The following NKD1 variants were observed in gnomAD, a reference collection of about 807,000 sequenced individuals.
NKD1 encodes the protein NKD inhibitor of Wnt signaling pathway 1, also known as protein naked cuticle homolog 1.
NKD1 carries 21 observed loss-of-function variants against 56.0 expected under a neutral mutation model. The ratio of observed to expected loss-of-function variants is 0.38; its 90% CI spans 0.27 to 0.54. The LOEUF (loss-of-function observed/expected upper bound fraction) is 0.54. Ranked by LOEUF, NKD1 falls within the 20% of genes least tolerant of loss-of-function variation. The probability of loss-of-function intolerance (pLI) is 0.82; values close to 1 mark genes in which losing one functional copy is unlikely to be tolerated. For missense variants in NKD1, 578 were observed against 642.7 expected, an observed-to-expected ratio of 0.90 and a Z score of 1.09; for synonymous variants, 263 against 265.7, an observed-to-expected ratio of 0.99 and a Z score of 0.10.
At chr16:50,599,259 A>C (rs753772364) in intron 3 of NKD1, among the ~76,000 whole-genome samples, 3 of 152,136 alleles carry the variant, frequency 2.0e-5, no homozygotes, top group African/African-American at 7.2e-5. Flanking sequence ...GGGACACGCT[A>C]TTTGAGCCAG....
chr16:50,633,295 G>A lies in NKD1; in HGVS notation c.927G>A (p.Lys309=), dbSNP rs748229301. 6.2e-7 allele frequency: 1 copy of A among 1,614,086 alleles called. No homozygotes were observed. The highest frequency in any genetic ancestry group is 8.5e-7 in the Non-Finnish European group (1 of 1,179,992). The part of the protein sequence containing the change: ...EPEAIHIPHR[K]PQGVDPASFH... ...AAGCCATCCACATCCCACACCGAAA[G>A]CCCCAAGGCGTGGACCCGGCCTCCT... is the stretch of plus-strand genomic sequence containing the variant. Residue 309 remains lysine (K), a synonymous_variant, in exon 10 of 10, where the codon AAG becomes AAA. Transcript: ENST00000268459. The surrounding 1 kb of genome is among the most constrained non-coding windows in gnomAD (Gnocchi z 4.9).
At position 50,637,726 on chromosome 16, in the gene NKD1, TG is replaced by T. The variant is rs1962498736; in HGVS notation, c.*3946del. On this transcript the variant is annotated 3_prime_UTR_variant, in exon 10 of 10. Transcript: ENST00000268459. ...ACATTTTCCTGCAGGCTGGTATGGG[TG>T]AGAGGTTTGGTCTTGTTTGCAAATC... 1 of 152,104 alleles carries T rather than the reference TG, an allele frequency of 6.6e-6. No homozygotes were observed. Among genetic ancestry groups the T allele is most frequent in the African/African-American group, 2.4e-5 (1 of 41,416 alleles). 9.4% of individuals were successfully genotyped at this position (152,104 alleles called of 1,614,324 possible). A position where few individuals can be genotyped will look rare whatever the true frequency, so the allele number is the denominator to read the frequency against.
In NKD1 at chr16:50,598,007, G is replaced by A. The variant is rs528222260; in HGVS notation, c.193-10287G>A. 9.1e-4 allele frequency among the ~76,000 whole-genome samples: 138 copies of A among 152,310 alleles called. 1 individual carries two copies. Among genetic ancestry groups the A allele is most frequent in the African/African-American group, 2.8e-3 (115 of 41,556 alleles). ...CAGTAGAGGGAGGAGGGCGCTCCGG[G>A]TGAAGGGGACAGGATGGTCCAGGGC... On this transcript the variant is annotated intron_variant, in intron 3 of 9. Coordinates refer to ENST00000268459, the MANE Select transcript of NKD1 (RefSeq NM_033119.5). The surrounding 1 kb of genome is among the most constrained non-coding windows in gnomAD (Gnocchi z 4.2).
At chr16:50,620,887 T>C (rs1293791660) in intron 4 of NKD1, among the ~76,000 whole-genome samples, 1 of 152,116 alleles carries the variant, frequency 6.6e-6, no homozygotes, top group African/African-American at 2.4e-5. Flanking sequence ...GGGGAGGACC[T>C]GGGGTGAGCA....
chr16:50,630,474 T>C (rs532707921), intron 7 of NKD1, 141 bp downstream of exon 7: 9 of 815,428 alleles, frequency 1.1e-5, no homozygotes, highest in Non-Finnish European at 1.7e-5. Flanking sequence ...AAATGGGTCC[T>C]TGAAAGGGTA....
intron 3 of NKD1, among the ~76,000 whole-genome samples, chr16:50,580,286 T>G (rs1478864653): frequency 6.6e-6 from 1 of 152,266 alleles, no homozygotes; most frequent in Non-Finnish European, 1.5e-5. Context: ...CATTCTGGCC[T>G]CACACTGTGT....
chr16:50,589,612 A>G (rs1321186215), intron 3 of NKD1, among the ~76,000 whole-genome samples: 1 of 152,192 alleles, frequency 6.6e-6, no homozygotes, highest in Non-Finnish European at 1.5e-5. Context: ...TGGTGGCCCA[A>G]GTCTGGGTAG....
Position 50,549,569 on chromosome 16 carries a change from C to T in NKD1, c.192+14C>T, listed in dbSNP as rs747583803. On this transcript the variant is annotated intron_variant, in intron 3 of 9. Transcript: ENST00000268459. ...CGAAGCACCCGGGTATGATTCCCCA[C>T]CCCTGCCCCACCTCCTGGCCTCCTT... 1.3e-6 allele frequency: 2 copies of T among 1,558,668 alleles called. No homozygotes were observed.
rs564315510 is a variant in NKD1 at position 50,640,692 on chromosome 16, G to C, written c.*6911G>C. 7.2e-5 allele frequency: 11 copies of C among 152,286 alleles called. No individual in the cohort carries two copies. The highest frequency in any genetic ancestry group is 2.2e-4 in the African/African-American group (9 of 41,570). 9.4% of individuals were successfully genotyped at this position (152,286 alleles called of 1,614,324 possible). A position where few individuals can be genotyped will look rare whatever the true frequency, so the allele number is the denominator to read the frequency against. On this transcript the variant is annotated 3_prime_UTR_variant, in exon 10 of 10. Coordinates refer to ENST00000268459, the MANE Select transcript of NKD1 (RefSeq NM_033119.5). The stretch of plus-strand genomic sequence containing the variant: ...CTCCTGCCTATGAGTCCTTGACTCT[G>C]GAGTTTTACAAAGCAGTCACATTTC...
Position 50,632,816 on chromosome 16 carries a change from C to T in NKD1, c.824-376C>T, listed in dbSNP as rs1044476110. Among the ~76,000 whole-genome samples the T allele has an allele frequency of 6.6e-6, 1 of 152,166 alleles. No homozygotes were observed. Among genetic ancestry groups the T allele is most frequent in the African/African-American group, 2.4e-5 (1 of 41,430 alleles). ...GACCTCTTGCTCAATTTCACTCCCA[C>T]AACTCCCTTCTCCCCTTTCTCTTCA... On this transcript the variant is annotated intron_variant, in intron 9 of 9. Coordinates refer to ENST00000268459, the MANE Select transcript of NKD1 (RefSeq NM_033119.5). This position sits in a 1 kb window ranked among gnomAD's most constrained non-coding sequence, Gnocchi z 4.1.
intron 5 of NKD1, among the ~76,000 whole-genome samples, chr16:50,621,917 G>GCCCAGC (rs1339295852): frequency 6.6e-6 from 1 of 152,222 alleles, no homozygotes; most frequent in Non-Finnish European, 1.5e-5. Context: ...CACCCCCTCA[G>GCCCAGC]CCCAGCCCCA....
intron 3 of NKD1, among the ~76,000 whole-genome samples, chr16:50,592,632 C>T (rs181702690): frequency 3.3e-5 from 5 of 152,324 alleles, no homozygotes; most frequent in South Asian, 2.1e-4. Context: ...TCTCACAGAG[C>T]GCCAAAGGCT....
chr16:50,619,804 A>T (rs1378150977), intron 4 of NKD1, among the ~76,000 whole-genome samples: 1 of 152,208 alleles, frequency 6.6e-6, no homozygotes. Flanking sequence ...ACCCAGGGTC[A>T]CACAGTGCCA....
rs554188575 is a variant in NKD1, at chr16:50,586,370, T to G, written c.193-21924T>G. On this transcript the variant is annotated intron_variant, in intron 3 of 9. Coordinates refer to ENST00000268459, the MANE Select transcript of NKD1 (RefSeq NM_033119.5). ...TGGATCACTGAGTCACAGAGGCGTC[T>G]CCTTGTTTGGGCGGGGGGTGGGTGG... 8.0e-5 allele frequency among the ~76,000 whole-genome samples: 10 copies of G among 125,042 alleles called. No individual in the cohort carries two copies. In the East Asian group the frequency reaches 1.7e-3, roughly 21 times the overall value. The allele number at this position is 125,042 out of a possible 152,430, so 82.0% of individuals were successfully genotyped here. A position where few individuals can be genotyped will look rare whatever the true frequency, so the allele number is the denominator to read the frequency against.
chr16:50,646,277 G>A lies in NKD1; in HGVS notation c.*12496G>A, dbSNP rs564235956. On this transcript the variant is annotated 3_prime_UTR_variant, in exon 10 of 10. Transcript: ENST00000268459. ...TGGGTCCTTTTCTTACCATAACTTAGAACTTCAAAGCTGAGTGTGTGGATA... is the reference window on the plus strand; with the variant it reads ...TGGGTCCTTTTCTTACCATAACTTAAAACTTCAAAGCTGAGTGTGTGGATA... 6 of 150,738 alleles carry A rather than the reference G, an allele frequency of 4.0e-5. No individual in the cohort carries two copies. Among genetic ancestry groups the A allele is most frequent in the Admixed American group, 3.3e-4 (5 of 15,120 alleles). 9.3% of individuals were successfully genotyped at this position (150,738 alleles called of 1,614,324 possible).
chr16:50,567,706 T>A (rs1002054516), intron 3 of NKD1, among the ~76,000 whole-genome samples: 2 of 152,222 alleles, frequency 1.3e-5, no homozygotes, highest in Non-Finnish European at 2.9e-5. Flanking sequence ...ATCCCAGCCA[T>A]GGCTCCGCTA....
intron 3 of NKD1, chr16:50,606,650 T>C (rs531876396): frequency 4.9e-6 from 2 of 404,852 alleles, no homozygotes; most frequent in East Asian, 7.3e-5. Context: ...CTCTTCCAAG[T>C]GTGCCAGTAA....
intron 3 of NKD1, among the ~76,000 whole-genome samples, chr16:50,596,909 A>C (rs1262845020): frequency 6.6e-6 from 1 of 152,206 alleles, no homozygotes; most frequent in Non-Finnish European, 1.5e-5. Flanking sequence ...AGCGTGTGTG[A>C]AGACCCTGAA....
At position 50,633,253 on chromosome 16, in the gene NKD1, T is replaced by C; in HGVS notation, c.885T>C (p.Ser295=). ...CCCGCACCTCCAATCCCACTCGATC[T>C]CGCTCCCATGAGCCGGAAGCCATCC... ...LPPRTSNPTR[S]RSHEPEAIHI... Residue 295 remains serine (S), a synonymous_variant, in exon 10 of 10, where the codon TCT becomes TCC. Coordinates refer to ENST00000268459, the MANE Select transcript of NKD1 (RefSeq NM_033119.5). This position sits in a 1 kb window ranked among gnomAD's most constrained non-coding sequence, Gnocchi z 4.9. 6.2e-7 allele frequency: 1 copy of C among 1,614,012 alleles called. No individual in the cohort carries two copies. Among genetic ancestry groups the C allele is most frequent in the East Asian group, 2.2e-5 (1 of 44,870 alleles).
Sources: gnomAD v4.1 joint callset for allele counts (sites outside exome capture counted in the v4.1 genomes callset) on GRCh38, gnomAD v4.1.1 for gene constraint, Gnocchi (gnomAD v3.1) non-coding constraint, MANE v1.5 for transcripts, NCBI Gene and HGNC (gene_info 2026-07-23, HGNC 2026-07-21) for gene names.